POLA1: variants seen among roughly 807,000 people sequenced by gnomAD.
POLA1 encodes the protein DNA polymerase alpha 1, catalytic subunit.
Under a neutral mutation model 124.0 loss-of-function variants are expected in POLA1, and 15 were observed. That is an observed-to-expected ratio of 0.12 (90% CI 0.08 to 0.19). POLA1 has a LOEUF of 0.19. Among genes scored for constraint, POLA1 ranks in the 10% least tolerant of loss-of-function variants. The pLI is 1.00. For missense variants in POLA1, 886 were observed against 1,103.4 expected (o/e 0.80, Z 2.79); for synonymous variants, 408 against 389.4 (o/e 1.05, Z -0.56).
chrX:24,910,075 C>T (rs1275367864), intron 35 of POLA1, among the ~76,000 whole-genome samples: 7 of 108,588 alleles, frequency 6.4e-5, no homozygotes, highest in Non-Finnish European at 7.7e-5. Flanking sequence ...GTGATTTTTG[C>T]ACATTGATTT....
intron 34 of POLA1, among the ~76,000 whole-genome samples, chrX:24,858,604 CAG>C (rs1300218191): frequency 8.9e-6 from 1 of 112,313 alleles, no homozygotes; most frequent in Non-Finnish European, 1.9e-5. Context: ...TTGTAGGAAT[CAG>C]ATAACAGAAA....
Position 24,699,527 on chromosome X carries a change from C to G in POLA1, c.146C>G (p.Ala49Gly). 1 of 1,174,125 alleles carries G rather than the reference C, an allele frequency of 8.5e-7. No homozygotes were observed. Among genetic ancestry groups the G allele is most frequent in the South Asian group, 2.0e-5 (1 of 49,760 alleles). ...EALERLKKAK[A>G]GEKYKYEVED... is the part of the protein sequence containing the mutation. ...CTAGAAAGACTGAAAAAGGCTAAAG[C>G]TGGTGAGAAGTATAAATATGAAGTA... The change falls in exon 2 of 37, where the codon GCT (alanine) becomes GGT (glycine). Residue 49 changes from alanine to glycine, a missense_variant. Coordinates refer to ENST00000379068, the MANE Select transcript of POLA1 (RefSeq NM_001330360.2).
chrX:24,787,487 G>A (rs2045388807), intron 26 of POLA1, among the ~76,000 whole-genome samples: 1 of 111,752 alleles, frequency 8.9e-6, no homozygotes, highest in Admixed American at 9.5e-5. Context: ...TCCCTGTTGT[G>A]AGTTCTTGAC....
chrX:24,905,624 G>A (rs1337680354), intron 35 of POLA1, among the ~76,000 whole-genome samples: 5 of 94,233 alleles, frequency 5.3e-5, no homozygotes, highest in African/African-American at 8.2e-5. Flanking sequence ...GTGAAGTGGC[G>A]CAATCTCCAC....
chrX:24,743,181 T>G (rs1356873962), intron 22 of POLA1, 49 bp from the exon 23 acceptor site: 1 of 626,505 alleles, frequency 1.6e-6, no homozygotes, highest in African/African-American at 2.2e-5. Context: ...AATTTTAAAT[T>G]AGTTAATTAG....
chrX:24,700,127 A>G (rs1328426553), intron 2 of POLA1, among the ~76,000 whole-genome samples: 3 of 107,556 alleles, frequency 2.8e-5, no homozygotes. Flanking sequence ...GGGCTTCCTG[A>G]GTATCTTAAT....
intron 6 of POLA1, 45 bp downstream of exon 6, chrX:24,715,248 C>A: frequency 2.5e-6 from 2 of 791,139 alleles, no homozygotes; most frequent in Non-Finnish European, 3.8e-6. Context: ...AGGACATAGA[C>A]TGAAGAAACA....
At chrX:24,872,043 T>C (rs1015857167) in intron 34 of POLA1, among the ~76,000 whole-genome samples, 5 of 111,511 alleles carry the variant, frequency 4.5e-5, no homozygotes, top group Non-Finnish European at 9.4e-5. Context: ...GGAAATCTGC[T>C]AGAGGCAGCC....
chrX:24,828,759 G>A (rs1216740113), intron 32 of POLA1, among the ~76,000 whole-genome samples: 1 of 111,470 alleles, frequency 9.0e-6, no homozygotes, highest in Non-Finnish European at 1.9e-5. Flanking sequence ...AAGGACTTGC[G>A]TAGCCTTGTA....
At chrX:24,951,343 A>ACCCCCCCCCCCC (rs57038936) in intron 36 of POLA1, among the ~76,000 whole-genome samples, 7 of 40,937 alleles carry the variant, frequency 1.7e-4, no homozygotes, top group Non-Finnish European at 2.8e-4. Flanking sequence ...ACACCTCCCT[A>ACCCCCCCCCCCC]CCCCCCCCCC....
chrX:24,843,588 G>A lies in POLA1; in HGVS notation c.3958G>A (p.Asp1320Asn), dbSNP rs2046437094. The A allele has an allele frequency of 8.4e-7, 1 of 1,190,253 alleles. No homozygotes were observed. Among genetic ancestry groups the A allele is most frequent in the Non-Finnish European group, 1.1e-6 (1 of 878,507 alleles). ...CAGCTTGTATCGTTGCAGTAACATCGATTGTAAGGCTTCACCTCTGACCTT... is the reference window on the plus strand; with the variant it reads ...CAGCTTGTATCGTTGCAGTAACATCAATTGTAAGGCTTCACCTCTGACCTT... ...EPSLYRCSNI[D>N]CKASPLTFTV... Residue 1320 changes from aspartate to asparagine, a missense_variant, in exon 34 of 37, where the codon GAT (aspartate) becomes AAT (asparagine). By Grantham distance (23) the Asp-to-Asn change is conservative. Around this residue, in one of 7 missense-constraint regions of POLA1, gnomAD observed 313 missense variants for 359.7 expected, o/e 0.87. Transcript: ENST00000379068.
intron 31 of POLA1, among the ~76,000 whole-genome samples, chrX:24,822,799 G>GT (rs909097249): frequency 6.5e-4 from 69 of 106,472 alleles, no homozygotes; most frequent in South Asian, 1.6e-3. Context: ...AATAGGCTAG[G>GT]TTTTTTTTTT....
chrX:24,953,040 C>G (rs974845184), intron 36 of POLA1, among the ~76,000 whole-genome samples: 1 of 112,095 alleles, frequency 8.9e-6, no homozygotes, highest in African/African-American at 3.2e-5. Flanking sequence ...TCATGCTAAT[C>G]TTCACAATAA....
intron 34 of POLA1, among the ~76,000 whole-genome samples, chrX:24,857,431 G>C (rs928542267): frequency 1.8e-5 from 2 of 110,926 alleles, no homozygotes; most frequent in Non-Finnish European, 3.8e-5. Context: ...GAGTCAGCTT[G>C]TCCTTATTAA....
At chrX:24,894,788 C>CTTTTTT (rs761056089) in intron 35 of POLA1, among the ~76,000 whole-genome samples, 10 of 98,600 alleles carry the variant, frequency 1.0e-4, no homozygotes, top group African/African-American at 3.4e-4. Flanking sequence ...CTTTTCTTTT[C>CTTTTTT]TTTTTTTTTT....
chrX:24,960,081 A>G (rs891678375), intron 36 of POLA1, among the ~76,000 whole-genome samples: 5 of 111,098 alleles, frequency 4.5e-5, no homozygotes, highest in African/African-American at 6.6e-5. Context: ...AACTTTTGAA[A>G]CACTGTGCTG....
intron 10 of POLA1, among the ~76,000 whole-genome samples, chrX:24,721,619 A>G (rs1243392041): frequency 8.9e-6 from 1 of 111,758 alleles, no homozygotes; most frequent in Non-Finnish European, 1.9e-5. Context: ...AAAGAATCTT[A>G]CTCTTTGCAT....
At chrX:24,957,380 A>T (rs2048117951) in intron 36 of POLA1, among the ~76,000 whole-genome samples, 1 of 111,319 alleles carries the variant, frequency 9.0e-6, no homozygotes, top group Non-Finnish European at 1.9e-5. Context: ...GCATTTGCTG[A>T]TGGGAGTAAG....
Position 24,812,751 on chromosome X carries a change from G to A in POLA1, c.3184G>A (p.Ala1062Thr). Residue 1062 changes from alanine (A) to threonine (T), a missense_variant, in exon 29 of 37, where the codon GCT (alanine) becomes ACT (threonine). Ala to Thr is a moderately conservative substitution (Grantham distance 58, BLOSUM62 0). Transcript: ENST00000379068. Reference sequence around the variant, plus strand: ...GCTACTGCTGAAAAAAAAGAAGTACGCTGCTCTGGTTGTTGAGCCAACGTC... The same window carrying A: ...GCTACTGCTGAAAAAAAAGAAGTACACTGCTCTGGTTGTTGAGCCAACGTC... ...SLLLLKKKKY[A>T]ALVVEPTSDG... The A allele has an allele frequency of 8.3e-7, 1 of 1,198,810 alleles. No individual in the cohort carries two copies. The highest frequency in any genetic ancestry group is 1.1e-6 in the Non-Finnish European group (1 of 884,028).
Sources: allele counts gnomAD v4.1 joint callset (sites outside exome capture counted in the v4.1 genomes callset), GRCh38; gene constraint gnomAD v4.1.1; regional missense constraint gnomAD v4.1.1; transcripts MANE v1.5; gene names NCBI Gene and HGNC (gene_info 2026-07-23, HGNC 2026-07-21).